The following ERH variants were observed in gnomAD, a reference collection of about 807,000 sequenced individuals.
ERH encodes enhancer of rudimentary homolog.
Under a neutral mutation model 16.8 loss-of-function variants are expected in ERH, and 1 was observed. That is an observed-to-expected ratio of 0.06 (90% CI 0.02 to 0.28). ERH has a LOEUF of 0.28. Ranked by LOEUF, ERH falls within the 10% of genes least tolerant of loss-of-function variation. ERH has a pLI of 1.00. For synonymous variants in ERH, 43 were observed against 43.6 expected (o/e 0.99, Z 0.05); for missense variants, 42 against 127.5 (o/e 0.33, Z 3.23).
At chr14:69,395,060 T>C (rs1274005892) in intron 1 of ERH, 148 bp from the exon 2 acceptor site, 8 of 631,360 alleles carry the variant, frequency 1.3e-5, no homozygotes, top group Non-Finnish European at 2.2e-5. Context: ...ATGCCTATAA[T>C]CCTCATCCTC....
At chr14:69,396,540 C>T (rs1470826453) in intron 1 of ERH, among the ~76,000 whole-genome samples, 2 of 152,238 alleles carry the variant, frequency 1.3e-5, no homozygotes, top group Admixed American at 6.5e-5. Flanking sequence ...GGATTACAGG[C>T]GTGAGCCACC....
intron 1 of ERH, among the ~76,000 whole-genome samples, chr14:69,397,198 A>G (rs937848684): frequency 1.3e-5 from 2 of 152,238 alleles, no homozygotes; most frequent in African/African-American, 4.8e-5. Context: ...AACTGTGGTC[A>G]AGTGGTTATC....
At chr14:69,397,288 C>A (rs1206745230) in intron 1 of ERH, among the ~76,000 whole-genome samples, 1 of 152,100 alleles carries the variant, frequency 6.6e-6, no homozygotes, top group African/African-American at 2.4e-5. Context: ...TCACTTTCTT[C>A]GAATTGGAGC....
Position 69,380,508 on chromosome 14 carries a change from A to AC in ERH, c.*29dup, listed in dbSNP as rs773504645. 5.7e-5 allele frequency: 42 copies of AC among 743,018 alleles called. No homozygotes were observed. The highest frequency in any genetic ancestry group is 3.3e-4 in the Middle Eastern group (1 of 3,046). 46.0% of individuals were successfully genotyped at this position (743,018 alleles called of 1,614,324 possible). On this transcript the variant is annotated 3_prime_UTR_variant, in exon 4 of 4. Coordinates refer to ENST00000557016, the MANE Select transcript of ERH (RefSeq NM_004450.3). ...CTGTACACACCTGTGTTCCAAGCCC[A>AC]CCCCAACCCCCCCAGTGCTTCCAAC...
chr14:69,385,863 G>A lies in ERH; in HGVS notation c.212+1100C>T, dbSNP rs149462038. ...CCTATCAATGATATGACACACTTCT[G>A]CATTTGGCTTCCAGGATATCATTGC... is the stretch of plus-strand genomic sequence containing the variant. On this transcript the variant is annotated intron_variant, in intron 3 of 3. Transcript: ENST00000557016. 3.3e-3 allele frequency among the ~76,000 whole-genome samples: 495 copies of A among 152,168 alleles called. 3 individuals carry two copies. The highest frequency in any genetic ancestry group is 0.011 in the African/African-American group (450 of 41,514).
chr14:69,383,195 C>G (rs1014554116), intron 3 of ERH, among the ~76,000 whole-genome samples: 1 of 152,220 alleles, frequency 6.6e-6, no homozygotes. Flanking sequence ...AAATCTGACT[C>G]TGACTTTAAG....
intron 3 of ERH, among the ~76,000 whole-genome samples, chr14:69,384,215 T>A (rs1016716555): frequency 1.3e-5 from 2 of 152,184 alleles, no homozygotes; most frequent in African/African-American, 4.8e-5. Context: ...AGAACATGCT[T>A]GTAATTAAAA....
intron 2 of ERH, among the ~76,000 whole-genome samples, chr14:69,391,046 G>C (rs1284673858): frequency 6.6e-6 from 1 of 152,210 alleles, no homozygotes; most frequent in Admixed American, 6.5e-5. Flanking sequence ...AAATGGTCCT[G>C]CCACGTCTGA....
chr14:69,387,816 G>A (rs1409030005), intron 2 of ERH, among the ~76,000 whole-genome samples: 3 of 152,148 alleles, frequency 2.0e-5, no homozygotes, highest in Non-Finnish European at 4.4e-5. Flanking sequence ...AGGCCAAGGC[G>A]GGCGGATCAC....
Position 69,390,535 on chromosome 14 carries a change from C to A in ERH, c.92-3452G>T, listed in dbSNP as rs187390287. 1.6e-4 allele frequency among the ~76,000 whole-genome samples: 25 copies of A among 152,276 alleles called. 1 individual carries two copies. Among genetic ancestry groups the A allele is most frequent in the Admixed American group, 1.4e-3 (21 of 15,292 alleles). ...AAGAATGAAGTTGGACACATCTCTA[C>A]AACAGACCAGAGACTTAAAAGTAGG... is the stretch of plus-strand genomic sequence containing the variant. On this transcript the variant is annotated intron_variant, in intron 2 of 3. Coordinates refer to ENST00000557016, the MANE Select transcript of ERH (RefSeq NM_004450.3).
intron 3 of ERH, among the ~76,000 whole-genome samples, chr14:69,380,932 G>C (rs2045859838): frequency 6.6e-6 from 1 of 152,152 alleles, no homozygotes; most frequent in Non-Finnish European, 1.5e-5. Context: ...GAAACCATGT[G>C]TTCTTCCTCC....
chr14:69,386,896 A>T, intron 3 of ERH, 67 bp downstream of exon 3: 7 of 1,531,594 alleles, frequency 4.6e-6, no homozygotes, highest in Non-Finnish European at 6.3e-6. Flanking sequence ...CAATACCATA[A>T]ATCACCTCAA....
Position 69,380,791 on chromosome 14 carries a change from G to A in ERH, c.213-151C>T, listed in dbSNP as rs191299827. ...AGCTGAAAGAGCTACTTACACAGTC[G>A]TTGAATTTTAAGTGACATGAACTTT... On this transcript the variant is annotated intron_variant, in intron 3 of 3. Coordinates refer to ENST00000557016, the MANE Select transcript of ERH (RefSeq NM_004450.3). 747 of 574,536 alleles carry A rather than the reference G, an allele frequency of 1.3e-3. 5 individuals carry two copies. The highest frequency in any genetic ancestry group is 0.012 in the African/African-American group (627 of 53,070). 35.6% of individuals were successfully genotyped at this position (574,536 alleles called of 1,614,324 possible). A position where few individuals can be genotyped will look rare whatever the true frequency, so the allele number is the denominator to read the frequency against.
At position 69,385,392 on chromosome 14, in the gene ERH, T is replaced by C. The variant is rs139007691; in HGVS notation, c.212+1571A>G. 3.1e-3 allele frequency among the ~76,000 whole-genome samples: 476 copies of C among 152,266 alleles called. 4 individuals carry two copies. The highest frequency in any genetic ancestry group is 0.011 in the African/African-American group (462 of 41,558). On this transcript the variant is annotated intron_variant, in intron 3 of 3. Coordinates refer to ENST00000557016, the MANE Select transcript of ERH (RefSeq NM_004450.3). ...GTAACACCTGTTTCAAATGATGTCC[T>C]TGCTCCTTATCTTTCTGAGATAACT...
chr14:69,386,015 A>G lies in ERH; in HGVS notation c.212+948T>C, dbSNP rs139867449. Among the ~76,000 whole-genome samples the G allele has an allele frequency of 3.1e-3, 478 of 152,280 alleles. 4 individuals carry two copies. Among genetic ancestry groups the G allele is most frequent in the African/African-American group, 0.011 (464 of 41,552 alleles). ...AGGACTTCTACACTAGCTGTCCCTC[A>G]TCCCCTCTGTCTGGTATGTTTTTCC... is the stretch of plus-strand genomic sequence containing the variant. On this transcript the variant is annotated intron_variant, in intron 3 of 3. Transcript: ENST00000557016.
intron 1 of ERH, 95 bp from the exon 2 acceptor site, chr14:69,395,007 CTAGTT>C: frequency 5.9e-6 from 5 of 849,662 alleles, no homozygotes; most frequent in Non-Finnish European, 7.5e-6. Flanking sequence ...ATAATGATTG[CTAGTT>C]ATTAAAATGT....
Position 69,398,265 on chromosome 14 carries a change from C to A in ERH, c.-32G>T. On this transcript the variant is annotated 5_prime_UTR_variant, in exon 1 of 4. Transcript: ENST00000557016. ...AAACTCTCTTCGCTACAGCAGCTGC[C>A]GACACCGCCGCCGTTACACGAGCTT... 6.2e-7 allele frequency: 1 copy of A among 1,612,904 alleles called. No individual in the cohort carries two copies. Among genetic ancestry groups the A allele is most frequent in the South Asian group, 1.1e-5 (1 of 91,008 alleles).
intron 3 of ERH, among the ~76,000 whole-genome samples, chr14:69,385,436 T>C (rs1229312581): frequency 4.6e-5 from 7 of 152,070 alleles, no homozygotes; most frequent in Non-Finnish European, 1.0e-4. Context: ...CAGAAGATAA[T>C]TCCCCCCAGC....
At chr14:69,383,320 G>T (rs534383471) in intron 3 of ERH, among the ~76,000 whole-genome samples, 1 of 152,212 alleles carries the variant, frequency 6.6e-6, no homozygotes, top group Admixed American at 6.5e-5. Context: ...CACCTACGCT[G>T]TTTAAAAAGA....
Sources: allele counts gnomAD v4.1 joint callset (sites outside exome capture counted in the v4.1 genomes callset), GRCh38; gene constraint gnomAD v4.1.1; transcripts MANE v1.5; gene names NCBI Gene and HGNC (gene_info 2026-07-23, HGNC 2026-07-21).